CENPN: variants seen among roughly 807,000 people sequenced by gnomAD.
The protein encoded by CENPN is centromere protein N.
In CENPN, 36 loss-of-function variants were observed where a neutral mutation model predicts 48.6. That is an observed-to-expected ratio of 0.74 (90% CI 0.57 to 0.98). The LOEUF (loss-of-function observed/expected upper bound fraction) is 0.98, where lower values mean the gene tolerates loss of function less well. Ranked by LOEUF, CENPN falls within the 50% of genes least tolerant of loss-of-function variation. CENPN has a pLI of 0.00. For missense variants in CENPN, 439 were observed against 399.2 expected (o/e 1.10, Z -0.85); for synonymous variants, 166 against 135.2 (o/e 1.23, Z -1.58).
intron 8 of CENPN, 39 bp downstream of exon 8, chr16:81,024,817 C>G: frequency 7.8e-7 from 1 of 1,280,240 alleles, no homozygotes; most frequent in Non-Finnish European, 1.1e-6. Context: ...TTTGGAAATG[C>G]ATCATTCCCT....
At chr16:81,028,089 C>A in intron 9 of CENPN, 82 bp from the exon 10 acceptor site, 1 of 1,097,662 alleles carries the variant, frequency 9.1e-7, no homozygotes, top group Non-Finnish European at 1.3e-6. Context: ...ATTAATGAAA[C>A]GTATCATTAT....
chr16:81,026,153 A>ATG (rs1555522759), intron 8 of CENPN, among the ~76,000 whole-genome samples: 99 of 135,288 alleles, frequency 7.3e-4, no homozygotes, highest in East Asian at 2.7e-3. Flanking sequence ...GTATATATAT[A>ATG]TGTGTATATA....
intron 3 of CENPN, among the ~76,000 whole-genome samples, chr16:81,015,303 T>C (rs1372335558): frequency 1.3e-5 from 2 of 152,244 alleles, no homozygotes; most frequent in Non-Finnish European, 2.9e-5. Context: ...GCCAGACCTC[T>C]TGGGTTCATT....
intron 1 of CENPN, 78 bp from the exon 2 acceptor site, chr16:81,011,851 GT>G (rs1969753019): frequency 4.3e-6 from 5 of 1,166,844 alleles, no homozygotes; most frequent in Non-Finnish European, 6.2e-6. Flanking sequence ...TTTCATATGT[GT>G]ATGTGTATGT....
downstream of CENPN, among the ~76,000 whole-genome samples, chr16:81,031,889 C>T (rs180754319): frequency 4.2e-3 from 638 of 152,310 alleles, 3 homozygotes; most frequent in Middle Eastern, 0.017. Flanking sequence ...AGGTGTGAGC[C>T]TCAGTGCCCA....
At position 81,028,641 on chromosome 16, in the gene CENPN, G is replaced by A. The variant is rs1477443995; in HGVS notation, c.1010G>A (p.Arg337Lys). Reference sequence around the variant, plus strand: ...AAGAGAATGAATTATTTTAAAATTAGAGATAAATAAGACGTGCGTGGTTTC... The same window carrying A: ...AAGAGAATGAATTATTTTAAAATTAAAGATAAATAAGACGTGCGTGGTTTC... The part of the protein sequence containing the change: ...PNKRMNYFKI[R>K]DK Residue 337 changes from arginine to lysine, a missense_variant, in exon 11 of 11, where the codon AGA becomes AAA. Arg to Lys is a conservative substitution (Grantham distance 26). Coordinates refer to ENST00000305850, the MANE Select transcript of CENPN (RefSeq NM_001100624.3). The A allele has an allele frequency of 1.2e-6, 2 of 1,611,168 alleles. No individual in the cohort carries two copies. The highest frequency in any genetic ancestry group is 1.7e-6 in the Non-Finnish European group (2 of 1,179,530).
At chr16:81,014,971 T>G (rs1203792493) in intron 3 of CENPN, among the ~76,000 whole-genome samples, 1 of 152,220 alleles carries the variant, frequency 6.6e-6, no homozygotes, top group Admixed American at 6.5e-5. Context: ...TTTGCTCAAC[T>G]GTAGGCTAAT....
intron 5 of CENPN, among the ~76,000 whole-genome samples, chr16:81,019,256 G>A (rs1371264420): frequency 1.3e-5 from 2 of 151,030 alleles, no homozygotes; most frequent in African/African-American, 4.9e-5. Context: ...TCACTCTGTT[G>A]CCCAGGCTGG....
chr16:81,011,819 C>G (rs1969751203), intron 1 of CENPN, 111 bp from the exon 2 acceptor site: 1 of 870,958 alleles, frequency 1.1e-6, no homozygotes, highest in Non-Finnish European at 1.7e-6. Context: ...CGTGGGCAAT[C>G]TAGTGAGACC....
Position 81,020,226 on chromosome 16 carries a change from G to A in CENPN, c.481G>A (p.Ala161Thr), listed in dbSNP as rs1475843793. 1.4e-5 allele frequency: 22 copies of A among 1,613,952 alleles called. No homozygotes were observed. The highest frequency in any genetic ancestry group is 1.6e-4 in the Middle Eastern group (1 of 6,084). Residue 161 changes from alanine (A) to threonine (T), a missense_variant, in exon 6 of 11, where the codon GCC becomes ACC. Coordinates refer to ENST00000305850, the MANE Select transcript of CENPN (RefSeq NM_001100624.3). ...YVVYYSQTPY[A>T]FTSSSMLRRN... Reference sequence around the variant, plus strand: ...GGTGTACTACTCCCAGACTCCGTACGCCTTCACGTCCTCCTCCATGCTGAG... The same window carrying A: ...GGTGTACTACTCCCAGACTCCGTACACCTTCACGTCCTCCTCCATGCTGAG...
At chr16:81,011,108 T>C (rs575505755) in intron 1 of CENPN, among the ~76,000 whole-genome samples, 1 of 152,302 alleles carries the variant, frequency 6.6e-6, no homozygotes, top group South Asian at 2.1e-4. Context: ...TGCTGTCCCC[T>C]GACTGGAGGC....
At chr16:81,031,855 G>A (rs908433876), downstream of CENPN, among the ~76,000 whole-genome samples, 3 of 152,122 alleles carry the variant, frequency 2.0e-5, no homozygotes, top group South Asian at 6.2e-4. Flanking sequence ...CTGCCGCCTC[G>A]GCCTCCCAAA....
chr16:81,008,127 A>G (rs1969541907), intron 1 of CENPN, among the ~76,000 whole-genome samples: 1 of 152,122 alleles, frequency 6.6e-6, no homozygotes, highest in Non-Finnish European at 1.5e-5. Context: ...AAAAAAGGAA[A>G]GTTTAAAAAT....
Position 81,028,745 on chromosome 16 carries a change from T to G in CENPN, c.*94T>G. 6.7e-7 allele frequency: 1 copy of G among 1,500,782 alleles called. No homozygotes were observed. The highest frequency in any genetic ancestry group is 2.5e-5 in the Admixed American group (1 of 39,646). The allele number at this position is 1,500,782 out of a possible 1,614,324, so 93.0% of individuals were successfully genotyped here. ...GCTGTATAGCTTCCGTCTGTAAACT[T>G]GTATTTTCAAGAATCCTTGGTATTG... On this transcript the variant is annotated 3_prime_UTR_variant, in exon 11 of 11. Transcript: ENST00000305850.
chr16:81,013,079 A>T (rs1424049191), intron 2 of CENPN, among the ~76,000 whole-genome samples: 9 of 152,202 alleles, frequency 5.9e-5, no homozygotes, highest in Non-Finnish European at 1.2e-4. Context: ...GTGTGTACTA[A>T]TGTTCACAGC....
chr16:81,030,256 T>G lies in CENPN; in HGVS notation c.*1605T>G, dbSNP rs1202099500. On this transcript the variant is annotated 3_prime_UTR_variant, in exon 11 of 11. Coordinates refer to ENST00000305850, the MANE Select transcript of CENPN (RefSeq NM_001100624.3). ...GCCAGCATGTCTTTTTTAAACATTT[T>G]AAAATCTATTCTTTATCTTGTTTCA... 1 of 985,364 alleles carries G rather than the reference T, an allele frequency of 1.0e-6. No homozygotes were observed. Among genetic ancestry groups the G allele is most frequent in the Non-Finnish European group, 1.2e-6 (1 of 829,950 alleles). 61.0% of individuals were successfully genotyped at this position (985,364 alleles called of 1,614,324 possible). A position where few individuals can be genotyped will look rare whatever the true frequency, so the allele number is the denominator to read the frequency against.
At chr16:81,018,850 C>T (rs997047964) in intron 5 of CENPN, among the ~76,000 whole-genome samples, 6 of 152,314 alleles carry the variant, frequency 3.9e-5, no homozygotes, top group African/African-American at 7.2e-5. Flanking sequence ...AACAAGATCT[C>T]AGAGGGAGGA....
intron 1 of CENPN, among the ~76,000 whole-genome samples, chr16:81,011,492 G>C (rs1749161612): frequency 6.6e-6 from 1 of 152,130 alleles, no homozygotes; most frequent in South Asian, 2.1e-4. Context: ...GGGGTTACAT[G>C]AATCAGTAAA....
In CENPN at chr16:81,012,082, TA is replaced by T; in HGVS notation, c.144del (p.Val49PhefsTer4). 6.2e-7 allele frequency: 1 copy of T among 1,614,154 alleles called. No homozygotes were observed. The highest frequency in any genetic ancestry group is 8.5e-7 in the Non-Finnish European group (1 of 1,180,004). ...AATTTCCGACAGAGAAAGGAATCTG[TA>T]GTTCAGCACTTGATCCATCTGTGTG... ...TVNFRQRKES[V>X]VQHLIHLCEE... On this transcript the variant is annotated frameshift_variant, in exon 2 of 11. Coordinates refer to ENST00000305850, the MANE Select transcript of CENPN (RefSeq NM_001100624.3). LOFTEE classifies it high-confidence loss of function.
Sources: allele counts gnomAD v4.1 joint callset (sites outside exome capture counted in the v4.1 genomes callset), GRCh38; gene constraint gnomAD v4.1.1; transcripts MANE v1.5; gene names NCBI Gene and HGNC (gene_info 2026-07-23, HGNC 2026-07-21).